MACC1: variants seen among roughly 807,000 people sequenced by gnomAD.
MACC1 encodes MET transcriptional regulator MACC1.
MACC1 carries 79 observed loss-of-function variants against 70.7 expected under a neutral mutation model. The ratio of observed to expected loss-of-function variants is 1.12; its 90% confidence interval spans 0.93 to 1.35. MACC1 has a LOEUF of 1.35. MACC1 is among the 40% of genes most tolerant of loss of function. The pLI, the probability that MACC1 is intolerant of heterozygous loss-of-function variation, is 0.00. For missense variants in MACC1, 1,106 were observed against 978.1 expected, an observed-to-expected ratio of 1.13 and a Z score of -1.74; for synonymous variants, 361 against 347.2, an observed-to-expected ratio of 1.04 and a Z score of -0.44.
intron 1 of MACC1, among the ~76,000 whole-genome samples, chr7:20,212,713 C>G (rs927721981): frequency 1.3e-5 from 2 of 152,054 alleles, no homozygotes; most frequent in Middle Eastern, 6.8e-3. Context: ...TTCAAATCAC[C>G]TGAGATACAA....
intron 1 of MACC1, among the ~76,000 whole-genome samples, chr7:20,178,325 G>A (rs964592043): frequency 1.3e-5 from 2 of 150,982 alleles, no homozygotes; most frequent in Non-Finnish European, 2.9e-5. Context: ...TTCAATTTAT[G>A]CCTACATTTT....
chr7:20,158,423 C>T lies in MACC1; in HGVS notation c.1938G>A (p.Leu646=). 6.2e-7 allele frequency: 1 copy of T among 1,613,712 alleles called. No homozygotes were observed. The highest frequency in any genetic ancestry group is 8.5e-7 in the Non-Finnish European group (1 of 1,179,888). ...LEQIVLPLKK[L]TYIYSVVLTL... ...TTAATACAACTGAGTAGATATAAGT[C>T]AATTTTTTTAAAGGCAGGACAATCT... Residue 646 remains leucine (L), a synonymous_variant, in exon 5 of 7, where the codon TTG becomes TTA. Transcript: ENST00000400331.
At chr7:20,191,712 C>A (rs1782676185) in intron 1 of MACC1, among the ~76,000 whole-genome samples, 1 of 152,166 alleles carries the variant, frequency 6.6e-6, no homozygotes, top group African/African-American at 2.4e-5. Context: ...TTATCCTTCC[C>A]TTTCCAGGAC....
intron 1 of MACC1, among the ~76,000 whole-genome samples, chr7:20,185,386 A>G (rs912739986): frequency 2.0e-5 from 3 of 152,210 alleles, no homozygotes; most frequent in Non-Finnish European, 4.4e-5. Context: ...TGAAATTGAC[A>G]TGTAATCATA....
chr7:20,180,524 A>G (rs1331137461), intron 1 of MACC1, among the ~76,000 whole-genome samples: 1 of 152,006 alleles, frequency 6.6e-6, no homozygotes, highest in Admixed American at 6.6e-5. Context: ...AATATTGTAC[A>G]TAAAACTAGC....
chr7:20,186,951 A>T (rs1184933127), intron 1 of MACC1, among the ~76,000 whole-genome samples: 1 of 152,216 alleles, frequency 6.6e-6, no homozygotes, highest in African/African-American at 2.4e-5. Context: ...CAAAATACAT[A>T]GAATAATTAC....
chr7:20,157,962 G>A (rs1782079829), intron 5 of MACC1, among the ~76,000 whole-genome samples: 1 of 152,066 alleles, frequency 6.6e-6, no homozygotes, highest in African/African-American at 2.4e-5. Flanking sequence ...AGCACAAACA[G>A]AACTTTTTAT....
chr7:20,182,630 C>T (rs3114469), intron 1 of MACC1, among the ~76,000 whole-genome samples: 78,841 of 151,960 alleles, frequency 0.52, 23,089 homozygotes, highest in East Asian at 0.89. Flanking sequence ...GGCCTGGGAA[C>T]AAACAGTGCG....
intron 1 of MACC1, among the ~76,000 whole-genome samples, chr7:20,209,225 G>C (rs2128109264): frequency 6.6e-6 from 1 of 152,338 alleles, no homozygotes; most frequent in African/African-American, 2.4e-5. Context: ...GAGGGCTACT[G>C]TCCTCCAGGA....
rs144509121 is a variant in MACC1 at position 20,154,228 on chromosome 7, G to A, written c.2311C>T (p.Pro771Ser). Residue 771 changes from proline (P) to serine (S), a missense_variant, in exon 6 of 7, where the codon CCT becomes TCT. Transcript: ENST00000400331. ...ACATCTCCAGTGTTTCCTCGATGAG[G>A]AATTTCATATGCCTCCATTTGTTGC... is the stretch of plus-strand genomic sequence containing the variant. ...TKQQMEAYEI[P>S]HRGNTGDVAV... 21 of 1,613,942 alleles carry A rather than the reference G, an allele frequency of 1.3e-5. No homozygotes were observed. Among genetic ancestry groups the A allele is most frequent in the Non-Finnish European group, 1.7e-5 (20 of 1,179,912 alleles).
chr7:20,139,294 C>T lies in MACC1; in HGVS notation c.*1652G>A, dbSNP rs1179587672. ...TATTCAGCTCCCACCCATCTAAGAGCTTCAGTGCTTTGTGGGATCACCGCT... is the reference window on the plus strand; with the variant it reads ...TATTCAGCTCCCACCCATCTAAGAGTTTCAGTGCTTTGTGGGATCACCGCT... On this transcript the variant is annotated 3_prime_UTR_variant, in exon 7 of 7. Transcript: ENST00000400331. 1.3e-5 allele frequency: 2 copies of T among 152,210 alleles called. No homozygotes were observed. Among genetic ancestry groups the T allele is most frequent in the Admixed American group, 1.3e-4 (2 of 15,278 alleles). The allele number at this position is 152,210 out of a possible 1,614,324, so 9.4% of individuals were successfully genotyped here.
chr7:20,143,097 T>C lies in MACC1; in HGVS notation c.2347-1939A>G, dbSNP rs187560488. Among the ~76,000 whole-genome samples, 94 of 152,314 alleles carry C rather than the reference T, an allele frequency of 6.2e-4. 1 individual carries two copies. The South Asian group carries it at 9.1e-3, about 15-fold the overall frequency. ...CACTACACTACAGATTCAAATACTT[T>C]TACAGTCAAAAGCAGCCAATATGGC... On this transcript the variant is annotated intron_variant, in intron 6 of 6. Coordinates refer to ENST00000400331, the MANE Select transcript of MACC1 (RefSeq NM_182762.4).
chr7:20,175,601 T>C (rs148797480), intron 1 of MACC1, among the ~76,000 whole-genome samples: 115 of 152,260 alleles, frequency 7.6e-4, no homozygotes, highest in African/African-American at 2.5e-3. Flanking sequence ...TATCTATATA[T>C]TCATATATTA....
chr7:20,201,033 A>T (rs1782825179), intron 1 of MACC1, among the ~76,000 whole-genome samples: 1 of 152,156 alleles, frequency 6.6e-6, no homozygotes, highest in East Asian at 1.9e-4. Context: ...ATGTTTTTTA[A>T]TTTTAAAAAA....
chr7:20,188,944 G>A (rs1782631961), intron 1 of MACC1, among the ~76,000 whole-genome samples: 5 of 152,114 alleles, frequency 3.3e-5, no homozygotes, highest in Admixed American at 2.6e-4. Flanking sequence ...TTTAACATCT[G>A]GCCTTGTTTC....
chr7:20,195,471 C>G (rs949328305), intron 1 of MACC1, among the ~76,000 whole-genome samples: 1 of 152,136 alleles, frequency 6.6e-6, no homozygotes, highest in Non-Finnish European at 1.5e-5. Context: ...ATTCAACAGT[C>G]TATAGGAGGA....
At chr7:20,179,102 G>A (rs563399647) in intron 1 of MACC1, among the ~76,000 whole-genome samples, 44 of 152,102 alleles carry the variant, frequency 2.9e-4, no homozygotes, top group Middle Eastern at 6.8e-3. Flanking sequence ...ATAAATCAGT[G>A]CTAATGTCCA....
chr7:20,186,076 T>C (rs757711722), intron 1 of MACC1, among the ~76,000 whole-genome samples: 7 of 152,188 alleles, frequency 4.6e-5, no homozygotes, highest in Non-Finnish European at 8.8e-5. Context: ...ACTACAGAAT[T>C]ATCGCCGAAT....
Position 20,141,035 on chromosome 7 carries a change from G to A in MACC1, c.2470C>T (p.His824Tyr). The change falls in exon 7 of 7, where the codon CAC becomes TAC. Residue 824 changes from histidine (H) to tyrosine (Y), a missense_variant. Coordinates refer to ENST00000400331, the MANE Select transcript of MACC1 (RefSeq NM_182762.4). ...AAAACTCCAGTTAATTCTCTCCAGTGTTTAGTCACAGGGTTTTTCATTCTG... is the reference window on the plus strand; with the variant it reads ...AAAACTCCAGTTAATTCTCTCCAGTATTTAGTCACAGGGTTTTTCATTCTG... ...LDRMKNPVTKHWRELTGVLIL... is the reference protein window; with the variant it reads ...LDRMKNPVTKYWRELTGVLIL... 6.2e-7 allele frequency: 1 copy of A among 1,614,028 alleles called. No individual in the cohort carries two copies. Among genetic ancestry groups the A allele is most frequent in the Non-Finnish European group, 8.5e-7 (1 of 1,179,962 alleles).
Sources: gnomAD v4.1 joint callset for allele counts (sites outside exome capture counted in the v4.1 genomes callset) on GRCh38, gnomAD v4.1.1 for gene constraint, MANE v1.5 for transcripts, NCBI Gene and HGNC (gene_info 2026-07-23, HGNC 2026-07-21) for gene names.